Variants in KIF21B observed in about 807,000 individuals in gnomAD.
KIF21B encodes the protein kinesin family member 21B, also known as kinesin-like protein KIF21B.
KIF21B carries 85 observed loss-of-function variants against 192.9 expected under a neutral mutation model. The ratio of observed to expected loss-of-function variants is 0.44; its 90% CI spans 0.37 to 0.53. KIF21B has a LOEUF of 0.53. Ranked by LOEUF, KIF21B falls within the 20% of genes least tolerant of loss-of-function variation. The pLI, the probability that KIF21B is intolerant of heterozygous loss-of-function variation, is 0.00. For missense variants in KIF21B, 1,716 were observed against 2,194.8 expected (o/e 0.78, Z 4.36); for synonymous variants, 832 against 884.6 (o/e 0.94, Z 1.05).
chr1:200,986,264 G>A (rs1656292691), intron 26 of KIF21B, among the ~76,000 whole-genome samples: 1 of 152,148 alleles, frequency 6.6e-6, no homozygotes, highest in South Asian at 2.1e-4. Context: ...CCACTACAAA[G>A]CCACTTGTGT....
In KIF21B at chr1:201,002,273, C is replaced by G. The variant is rs1657544569; in HGVS notation, c.1290G>C (p.Glu430Asp). Residue 430 changes from glutamate to aspartate, a missense_variant, in exon 9 of 35, where the codon GAG becomes GAC. Glu to Asp is a conservative substitution (Grantham distance 45). Coordinates refer to ENST00000461742, the MANE Select transcript of KIF21B (RefSeq NM_001252102.2). ...LFRENAMLQK[E>D]NGALRLRVKA... ...TCACCCGCAGCCGCAGGGCCCCATT[C>G]TCCTTCTGTAGCATGGCATTCTCTC... 2 of 1,614,220 alleles carry G rather than the reference C, an allele frequency of 1.2e-6. No individual in the cohort carries two copies. Among genetic ancestry groups the G allele is most frequent in the Non-Finnish European group, 1.7e-6 (2 of 1,180,040 alleles).
At position 200,990,023 on chromosome 1, in the gene KIF21B, G is replaced by A. The variant is rs913489827; in HGVS notation, c.3051C>T (p.Asp1017=). Residue 1017 remains aspartate (D), a synonymous_variant, in exon 21 of 35, where the codon GAC becomes GAT. Coordinates refer to ENST00000461742, the MANE Select transcript of KIF21B (RefSeq NM_001252102.2). The surrounding 1 kb of genome is among the most constrained non-coding windows in gnomAD (Gnocchi z 5.4). ...AGCAGGAGCTGATGACCACGGATGT[G>A]TCTGTGGAGTCCAGCTCCTCCTAGG... ...EETKEELDST[D]TSVVISSCSL... 16 of 1,613,926 alleles carry A rather than the reference G, an allele frequency of 9.9e-6. No individual in the cohort carries two copies. Among genetic ancestry groups the A allele is most frequent in the Non-Finnish European group, 1.4e-5 (16 of 1,179,958 alleles).
chr1:200,987,272 T>C (rs923706601), intron 24 of KIF21B, 71 bp from the exon 25 acceptor site: 1 of 1,427,236 alleles, frequency 7.0e-7, no homozygotes, highest in Non-Finnish European at 9.5e-7. Context: ...CCAGGGGAAA[T>C]TCTATTTTTT....
chr1:200,976,698 G>T (rs1423822054), intron 32 of KIF21B, 78 bp downstream of exon 32: 2 of 847,912 alleles, frequency 2.4e-6, no homozygotes, highest in Admixed American at 2.5e-5. Flanking sequence ...TTTTTCATGG[G>T]TACTCCCAGG....
Position 201,009,350 on chromosome 1 carries a change from T to C in KIF21B, c.180A>G (p.Gln60=), listed in dbSNP as rs1016676992. ...TCACACAGGTGGAATAGATCTGTTCTTGCCAGGTGTCCAGGTCGAAGACAA... is the reference window on the plus strand; with the variant it reads ...TCACACAGGTGGAATAGATCTGTTCCTGCCAGGTGTCCAGGTCGAAGACAA... ...YDFVFDLDTW[Q]EQIYSTCVSK... The change falls in exon 2 of 35, where the codon CAA becomes CAG. Residue 60 remains glutamine (Q), a synonymous_variant. Transcript: ENST00000461742. 1.2e-6 allele frequency: 2 copies of C among 1,614,168 alleles called. No individual in the cohort carries two copies. The highest frequency in any genetic ancestry group is 2.7e-5 in the African/African-American group (2 of 74,950).
In KIF21B at chr1:201,017,192, C is replaced by T. The variant is rs1348384121; in HGVS notation, c.41+6151G>A. On this transcript the variant is annotated intron_variant, in intron 1 of 34. Transcript: ENST00000461742. This position sits in a 1 kb window ranked among gnomAD's most constrained non-coding sequence, Gnocchi z 4.1. Reference sequence around the variant, plus strand: ...CCCTCCAGGGCATCAGGATCTCAGCCGTGCAGAGGAATCGGGCCAGCAAGG... The same window carrying T: ...CCCTCCAGGGCATCAGGATCTCAGCTGTGCAGAGGAATCGGGCCAGCAAGG... Among the ~76,000 whole-genome samples, 2 of 152,136 alleles carry T rather than the reference C, an allele frequency of 1.3e-5. No homozygotes were observed. The highest frequency in any genetic ancestry group is 2.9e-5 in the Non-Finnish European group (2 of 68,010).
In KIF21B at chr1:201,000,513, G is replaced by A. The variant is rs748641857; in HGVS notation, c.1562C>T (p.Pro521Leu). The change falls in exon 11 of 35, where the codon CCA becomes CTA. Residue 521 changes from proline (P) to leucine (L), a missense_variant. This residue lies in a region of KIF21B where 1,087 missense variants were observed against 1,316.6 expected (regional missense o/e 0.83). Transcript: ENST00000461742. This position sits in a 1 kb window ranked among gnomAD's most constrained non-coding sequence, Gnocchi z 6.0. ...ARSPYSLGAS[P>L]AAPAFGGSPA... is the part of the protein sequence containing the mutation. Reference sequence around the variant, plus strand: ...GCTGCCCCCGAAGGCCGGGGCGGCTGGAGAAGCACCCAGGGAGTAGGGGCT... The same window carrying A: ...GCTGCCCCCGAAGGCCGGGGCGGCTAGAGAAGCACCCAGGGAGTAGGGGCT... The A allele has an allele frequency of 8.1e-6, 13 of 1,610,908 alleles. No homozygotes were observed. Among genetic ancestry groups the A allele is most frequent in the African/African-American group, 6.7e-5 (5 of 74,826 alleles).
At chr1:200,981,665 C>G (rs953145295) in intron 28 of KIF21B, among the ~76,000 whole-genome samples, 2 of 152,238 alleles carry the variant, frequency 1.3e-5, no homozygotes, top group African/African-American at 4.8e-5. Context: ...CATGTGTACA[C>G]ATACACACTC....
intron 21 of KIF21B, among the ~76,000 whole-genome samples, 176 bp from the exon 22 acceptor site, chr1:200,989,107 A>G (rs1162801237): frequency 4.6e-5 from 7 of 152,052 alleles, no homozygotes; most frequent in Admixed American, 2.0e-4. Context: ...CCACATACAC[A>G]CATTAAGTGA....
chr1:201,005,250 C>T, intron 5 of KIF21B, 58 bp downstream of exon 5: 1 of 1,507,488 alleles, frequency 6.6e-7, no homozygotes, highest in Non-Finnish European at 8.8e-7. Context: ...CCTCATCTTG[C>T]CCTTCCCGGG....
chr1:201,009,138 G>T, intron 2 of KIF21B, 128 bp downstream of exon 2: 2 of 1,123,570 alleles, frequency 1.8e-6, no homozygotes, highest in Non-Finnish European at 2.5e-6. Flanking sequence ...GCGGTGCAAC[G>T]GCCTCCTTAG....
At chr1:200,977,857 C>G (rs2102377317) in intron 30 of KIF21B, among the ~76,000 whole-genome samples, 1 of 151,122 alleles carries the variant, frequency 6.6e-6, no homozygotes, top group East Asian at 1.9e-4. Context: ...GCCTCACCCT[C>G]CCGAGTAGCT....
At chr1:200,979,346 A>G (rs1224639307) in intron 30 of KIF21B, among the ~76,000 whole-genome samples, 189 bp downstream of exon 30, 2 of 152,156 alleles carry the variant, frequency 1.3e-5, no homozygotes, top group Non-Finnish European at 2.9e-5. Context: ...GCTGCCCCAG[A>G]CACTGTCTCC....
intron 15 of KIF21B, among the ~76,000 whole-genome samples, 176 bp from the exon 16 acceptor site, chr1:200,992,565 G>A (rs557341613): frequency 2.0e-5 from 3 of 152,246 alleles, no homozygotes; most frequent in Non-Finnish European, 2.9e-5. Flanking sequence ...CTCCATAGGA[G>A]CTTAAGCCGC....
Position 200,969,851 on chromosome 1 carries a change from G to A in KIF21B, c.*3670C>T. 6.6e-6 allele frequency: 1 copy of A among 152,652 alleles called. No homozygotes were observed. Among genetic ancestry groups the A allele is most frequent in the Non-Finnish European group, 1.5e-5 (1 of 68,146 alleles). The allele number at this position is 152,652 out of a possible 1,614,324, so 9.5% of individuals were successfully genotyped here. A position where few individuals can be genotyped will look rare whatever the true frequency, so the allele number is the denominator to read the frequency against. ...AAAATCTGTCCTTGCACACAAGAGG[G>A]CAGGGAAGGATCTGGGAGTCAGGAG... On this transcript the variant is annotated 3_prime_UTR_variant, in exon 35 of 35. Coordinates refer to ENST00000461742, the MANE Select transcript of KIF21B (RefSeq NM_001252102.2).
intron 30 of KIF21B, 109 bp downstream of exon 30, chr1:200,979,426 C>T: frequency 1.3e-6 from 1 of 754,028 alleles, no homozygotes; most frequent in Non-Finnish European, 2.0e-6. Flanking sequence ...GTCTCTGTGC[C>T]CATGTAGCCG....
chr1:200,990,139 T>C lies in KIF21B; in HGVS notation c.3029A>G (p.Lys1010Arg), dbSNP rs1487506175. 3 of 1,612,930 alleles carry C rather than the reference T, an allele frequency of 1.9e-6. No individual in the cohort carries two copies. The highest frequency in any genetic ancestry group is 1.1e-5 in the South Asian group (1 of 91,006). The change falls in exon 20 of 35, where the codon AAG becomes AGG. Residue 1010 changes from lysine (K) to arginine (R), a missense_variant and splice_region_variant. By Grantham distance (26) the Lys-to-Arg change is conservative. Transcript: ENST00000461742. The surrounding 1 kb of genome is among the most constrained non-coding windows in gnomAD (Gnocchi z 5.4). ...QATIVQLEET[K>R]EELDSTDTSV... is the part of the protein sequence containing the mutation. ...CAGCAGGCCCAGCCCTGCGGATACC[T>C]TGGTCTCCTCCAGCTGCACGATGGT...
At chr1:201,007,746 A>G (rs1220115217) in intron 3 of KIF21B, among the ~76,000 whole-genome samples, 2 of 151,790 alleles carry the variant, frequency 1.3e-5, no homozygotes, top group African/African-American at 4.8e-5. Context: ...ACACACATAC[A>G]CAGATGCACT....
chr1:200,973,543 A>G lies in KIF21B; in HGVS notation c.4850T>C (p.Leu1617Ser). 1 of 1,488,706 alleles carries G rather than the reference A, an allele frequency of 6.7e-7. No individual in the cohort carries two copies. The allele number at this position is 1,488,706 out of a possible 1,614,324, so 92.2% of individuals were successfully genotyped here. The change falls in exon 35 of 35, where the codon TTA (leucine) becomes TCA (serine). Residue 1617 changes from leucine to serine, a missense_variant. By Grantham distance (145) the Leu-to-Ser change is moderately radical. Coordinates refer to ENST00000461742, the MANE Select transcript of KIF21B (RefSeq NM_001252102.2). ...CTCCTAGGGTGGGCCGCTGTGGGGTAACCGCCGGACACTCCAGAACTTCAC... is the reference window on the plus strand; with the variant it reads ...CTCCTAGGGTGGGCCGCTGTGGGGTGACCGCCGGACACTCCAGAACTTCAC... ...LTVKFWSVRR[L>S]PHSGPP
Sources: allele counts gnomAD v4.1 joint callset (sites outside exome capture counted in the v4.1 genomes callset), GRCh38; gene constraint gnomAD v4.1.1; regional missense constraint gnomAD v4.1.1; non-coding constraint Gnocchi (gnomAD v3.1); transcripts MANE v1.5; gene names NCBI Gene and HGNC (gene_info 2026-07-23, HGNC 2026-07-21).